SEM1: variants seen among roughly 807,000 people sequenced by gnomAD.
SEM1 encodes SEM1 26S proteasome subunit.
In SEM1, 3 loss-of-function variants were observed where a neutral mutation model predicts 12.7. The ratio of observed to expected loss-of-function variants is 0.24; its 90% CI spans 0.11 to 0.61. The LOEUF (loss-of-function observed/expected upper bound fraction) is 0.61, where lower values mean the gene tolerates loss of function less well. Ranked by LOEUF, SEM1 falls within the 20% of genes least tolerant of loss-of-function variation. The pLI, the probability that SEM1 is intolerant of heterozygous loss-of-function variation, is 0.88. For missense variants in SEM1, 59 were observed against 81.3 expected (o/e 0.73, Z 1.06); for synonymous variants, 30 against 27.8 (o/e 1.08, Z -0.25).
intron 2 of SEM1, among the ~76,000 whole-genome samples, chr7:96,589,665 A>C (rs1436931507): frequency 6.6e-6 from 1 of 152,220 alleles, no homozygotes; most frequent in Non-Finnish European, 1.5e-5. Flanking sequence ...AAAAAAGGTA[A>C]ATATTAGAAC....
intron 2 of SEM1, among the ~76,000 whole-genome samples, chr7:96,561,254 T>C (rs536019755): frequency 6.6e-6 from 1 of 152,326 alleles, no homozygotes; most frequent in Admixed American, 6.5e-5. Flanking sequence ...TTGTTTCAAA[T>C]GAAATCTGCA....
At chr7:96,545,439 A>G (rs76144797) in intron 2 of SEM1, among the ~76,000 whole-genome samples, 12,316 of 152,042 alleles carry the variant, frequency 0.081, 594 homozygotes, top group South Asian at 0.14. Context: ...ACAACTTGCT[A>G]AAACATTCCA....
At chr7:96,650,068 A>T (rs1008972851) in intron 2 of SEM1, 1 of 157,426 alleles carries the variant, frequency 6.4e-6, no homozygotes, top group Non-Finnish European at 1.4e-5. Flanking sequence ...TGGTCAAACA[A>T]ATTTGGAAAT....
intron 2 of SEM1, among the ~76,000 whole-genome samples, chr7:96,642,453 G>A (rs1000267565): frequency 4.0e-5 from 6 of 151,878 alleles, no homozygotes; most frequent in South Asian, 2.1e-4. Context: ...GTACGGTAGC[G>A]TTTATCTTGG....
chr7:96,682,394 T>C (rs563410755), intron 2 of SEM1, among the ~76,000 whole-genome samples: 6 of 152,234 alleles, frequency 3.9e-5, no homozygotes, highest in Non-Finnish European at 7.4e-5. Flanking sequence ...TCTTGCCTGA[T>C]TGCCCTGGCC....
rs540891591 is a variant in SEM1, at chr7:96,522,732, C to T, written c.171-16034G>A. The stretch of plus-strand genomic sequence containing the variant: ...GTCTCTACTAAAAATACCCCCCCCC[C>T]AAAAAAAAATTAGCCGGATGTGGTG... On this transcript the variant is annotated intron_variant and NMD_transcript_variant, in intron 2 of 3. Transcript: ENST00000466986. Among the ~76,000 whole-genome samples the T allele has an allele frequency of 8.7e-3, 1,124 of 129,568 alleles. 20 individuals carry two copies. Among genetic ancestry groups the T allele is most frequent in the African/African-American group, 0.032 (1,071 of 33,206 alleles). The allele number at this position is 129,568 out of a possible 152,430, so 85.0% of individuals were successfully genotyped here. A position where few individuals can be genotyped will look rare whatever the true frequency, so the allele number is the denominator to read the frequency against.
At chr7:96,632,915 G>A (rs1321022795) in intron 2 of SEM1, among the ~76,000 whole-genome samples, 1 of 150,900 alleles carries the variant, frequency 6.6e-6, no homozygotes, top group African/African-American at 2.4e-5. Flanking sequence ...ATTTTTAAAT[G>A]CACCCTGATA....
intron 2 of SEM1, among the ~76,000 whole-genome samples, chr7:96,485,110 G>A (rs1052672782): frequency 6.6e-6 from 1 of 152,152 alleles, no homozygotes; most frequent in African/African-American, 2.4e-5. Context: ...TAAATGTTTT[G>A]CCAGTTTTGA....
intron 1 of SEM1, among the ~76,000 whole-genome samples, chr7:96,704,744 CT>C (rs1790393307): frequency 6.6e-6 from 1 of 152,090 alleles, no homozygotes; most frequent in Admixed American, 6.5e-5. Context: ...AGCAAAAGCC[CT>C]TTTTGGCACT....
chr7:96,687,808 A>G (rs892160176), downstream of SEM1: 16 of 152,110 alleles, frequency 1.1e-4, no homozygotes, highest in African/African-American at 3.9e-4. Context: ...AAAGAAAAAA[A>G]GTATCACTTA....
intron 2 of SEM1, among the ~76,000 whole-genome samples, chr7:96,582,813 G>A (rs899544477): frequency 6.6e-6 from 1 of 152,146 alleles, no homozygotes; most frequent in African/African-American, 2.4e-5. Flanking sequence ...GGGATCGGTG[G>A]TGATATCCCC....
At chr7:96,541,452 T>G (rs898353042) in intron 2 of SEM1, among the ~76,000 whole-genome samples, 6 of 149,440 alleles carry the variant, frequency 4.0e-5, no homozygotes, top group East Asian at 2.0e-4. Context: ...TGTTTTTTTT[T>G]TTTTTTTGCT....
chr7:96,669,069 G>T (rs1436623967), downstream of SEM1, among the ~76,000 whole-genome samples: 4 of 152,120 alleles, frequency 2.6e-5, no homozygotes, highest in East Asian at 5.8e-4. Flanking sequence ...CTTAATTTCA[G>T]ACTTCTAGGA....
At chr7:96,528,604 C>T (rs1435894091) in intron 2 of SEM1, among the ~76,000 whole-genome samples, 2 of 152,128 alleles carry the variant, frequency 1.3e-5, no homozygotes, top group Admixed American at 1.3e-4. Flanking sequence ...AAAATTTGTG[C>T]AAGACACTTT....
chr7:96,547,404 G>A (rs1303329972), intron 2 of SEM1, among the ~76,000 whole-genome samples: 6 of 152,128 alleles, frequency 3.9e-5, no homozygotes, highest in Admixed American at 1.3e-4. Flanking sequence ...GGTCAGTTTA[G>A]TCCCATGCCA....
intron 2 of SEM1, among the ~76,000 whole-genome samples, chr7:96,525,461 G>A (rs1476878193): frequency 1.3e-5 from 2 of 152,044 alleles, no homozygotes; most frequent in Non-Finnish European, 2.9e-5. Context: ...GGTACAACTC[G>A]GATAGAGAGA....
chr7:96,678,831 G>A (rs1789520996), intron 2 of SEM1, among the ~76,000 whole-genome samples: 1 of 152,126 alleles, frequency 6.6e-6, no homozygotes, highest in Admixed American at 6.6e-5. Flanking sequence ...CTCTTTCAGA[G>A]TCAGTTGACT....
intron 1 of SEM1, chr7:96,697,021 T>C (rs1651833096): frequency 6.6e-6 from 1 of 152,010 alleles, no homozygotes; most frequent in Admixed American, 6.6e-5. Context: ...ATATACCTCA[T>C]GTCTAATGCC....
downstream of SEM1, among the ~76,000 whole-genome samples, chr7:96,687,163 C>T (rs1010814791): frequency 8.7e-4 from 132 of 152,122 alleles, no homozygotes; most frequent in African/African-American, 2.7e-3. Context: ...TGTGGAGAAA[C>T]AGGAACACTT....
Sources: gnomAD v4.1 joint callset for allele counts (sites outside exome capture counted in the v4.1 genomes callset) on GRCh38, gnomAD v4.1.1 for gene constraint, MANE v1.5 for transcripts, NCBI Gene and HGNC (gene_info 2026-07-23, HGNC 2026-07-21) for gene names.